Variants in XPNPEP1 observed in about 807,000 individuals in gnomAD.
The protein encoded by XPNPEP1 is X-prolyl aminopeptidase 1, also known as xaa-Pro aminopeptidase 1.
Under a neutral mutation model 92.4 loss-of-function variants are expected in XPNPEP1, and 39 were observed. That is an observed-to-expected ratio of 0.42 (90% CI 0.33 to 0.55). The LOEUF (loss-of-function observed/expected upper bound fraction) is 0.55, where lower values mean the gene tolerates loss of function less well. XPNPEP1 is among the 20% of genes least tolerant of loss of function. The pLI, the probability that XPNPEP1 is intolerant of heterozygous loss-of-function variation, is 0.08. For synonymous variants in XPNPEP1, 307 were observed against 299.4 expected, an observed-to-expected ratio of 1.03 and a Z score of -0.26; for missense variants, 654 against 856.1, an observed-to-expected ratio of 0.76 and a Z score of 2.95.
At chr10:109,888,990 TG>T (rs1589584401) in intron 5 of XPNPEP1, among the ~76,000 whole-genome samples, 1 of 152,214 alleles carries the variant, frequency 6.6e-6, no homozygotes, top group African/African-American at 2.4e-5. Context: ...TGGTGAAGTC[TG>T]GGAACTGGGA....
intron 2 of XPNPEP1, among the ~76,000 whole-genome samples, chr10:109,912,578 T>C (rs768308305): frequency 2.6e-5 from 4 of 152,232 alleles, no homozygotes; most frequent in Non-Finnish European, 5.9e-5. Context: ...GTGGCACTGG[T>C]TGAAAAGGCA....
chr10:109,865,837 C>G (rs929123068), intron 20 of XPNPEP1, among the ~76,000 whole-genome samples: 4 of 152,194 alleles, frequency 2.6e-5, no homozygotes, highest in African/African-American at 9.7e-5. Flanking sequence ...TGTGGTGCAG[C>G]AGAATGGCGC....
intron 3 of XPNPEP1, among the ~76,000 whole-genome samples, chr10:109,896,635 C>T (rs901115584): frequency 6.6e-5 from 10 of 151,836 alleles, no homozygotes; most frequent in African/African-American, 2.4e-4. Flanking sequence ...CATCTTAACC[C>T]CAAGCATATA....
chr10:109,913,242 G>A (rs1393027217), intron 2 of XPNPEP1, among the ~76,000 whole-genome samples: 2 of 152,192 alleles, frequency 1.3e-5, no homozygotes, highest in East Asian at 3.8e-4. Flanking sequence ...TACATGAAAA[G>A]CACACCATAC....
intron 18 of XPNPEP1, 75 bp from the exon 19 acceptor site, chr10:109,870,104 T>C (rs1847372207): frequency 6.7e-7 from 1 of 1,499,132 alleles, no homozygotes; most frequent in East Asian, 2.3e-5. Flanking sequence ...TTTCACTCCT[T>C]GGATGACTGC....
At chr10:109,907,235 C>A (rs1849603586) in intron 3 of XPNPEP1, among the ~76,000 whole-genome samples, 1 of 152,166 alleles carries the variant, frequency 6.6e-6, no homozygotes, top group Non-Finnish European at 1.5e-5. Context: ...AGCACCATAA[C>A]CACAGTGTAA....
chr10:109,886,208 C>G (rs752191583), intron 8 of XPNPEP1, 38 bp downstream of exon 8: 2 of 1,594,966 alleles, frequency 1.3e-6, no homozygotes, highest in Non-Finnish European at 8.6e-7. Context: ...AAGGAGAGAT[C>G]GGGTAACATG....
chr10:109,867,458 A>C lies in XPNPEP1; in HGVS notation c.1872+1156T>G, dbSNP rs1356446134. The stretch of plus-strand genomic sequence containing the variant: ...ATGTTTAGCTGAACCAAGGGCACGG[A>C]TGGTTAAGCAGAGGCGCTCAAGCAC... On this transcript the variant is annotated intron_variant, in intron 20 of 20. Coordinates refer to ENST00000502935, the MANE Select transcript of XPNPEP1 (RefSeq NM_020383.4). This position sits in a 1 kb window ranked among gnomAD's most constrained non-coding sequence, Gnocchi z 4.5. Among the ~76,000 whole-genome samples, 1 of 152,246 alleles carries C rather than the reference A, an allele frequency of 6.6e-6. No individual in the cohort carries two copies. Among genetic ancestry groups the C allele is most frequent in the East Asian group, 1.9e-4 (1 of 5,204 alleles).
intron 3 of XPNPEP1, among the ~76,000 whole-genome samples, chr10:109,902,953 G>A (rs557997492): frequency 1.2e-4 from 18 of 152,144 alleles, no homozygotes; most frequent in Non-Finnish European, 1.8e-4. Context: ...GAATTGCTTC[G>A]GGTGTAATAG....
chr10:109,882,780 C>CCTGCCCT, intron 9 of XPNPEP1, 138 bp from the exon 10 acceptor site: 4 of 902,890 alleles, frequency 4.4e-6, no homozygotes, highest in Non-Finnish European at 6.7e-6. Flanking sequence ...CCACTCCTTT[C>CCTGCCCT]CCAAATCCTG....
At chr10:109,884,191 A>G in intron 8 of XPNPEP1, 43 bp from the exon 9 acceptor site, 1 of 1,596,100 alleles carries the variant, frequency 6.3e-7, no homozygotes, top group East Asian at 2.2e-5. Context: ...CTGACTTAAG[A>G]TGTTAAGGGG....
At chr10:109,875,797 T>C in intron 14 of XPNPEP1, 198 bp from the exon 15 acceptor site, 1 of 497,516 alleles carries the variant, frequency 2.0e-6, no homozygotes, top group South Asian at 2.7e-5. Context: ...AATCAACCTA[T>C]CTCCCCAGCT....
Position 109,915,066 on chromosome 10 carries a change from T to C in XPNPEP1, c.66A>G (p.Leu22=). ...VNHQDFQLRN[L]RIIEPNEVTH... Reference sequence around the variant, plus strand: ...TCACCTCGTTAGGTTCAATTATTCTTAAATTTCTCAGTTGAAAATCCTGGT... The same window carrying C: ...TCACCTCGTTAGGTTCAATTATTCTCAAATTTCTCAGTTGAAAATCCTGGT... Residue 22 remains leucine, a synonymous_variant, in exon 2 of 21, where the codon TTA becomes TTG. Transcript: ENST00000502935. 1 of 1,529,588 alleles carries C rather than the reference T, an allele frequency of 6.5e-7. No individual in the cohort carries two copies. Among genetic ancestry groups the C allele is most frequent in the Non-Finnish European group, 8.8e-7 (1 of 1,142,588 alleles). 94.8% of individuals were successfully genotyped at this position (1,529,588 alleles called of 1,614,324 possible). A position where few individuals can be genotyped will look rare whatever the true frequency, so the allele number is the denominator to read the frequency against.
rs1049619585 is a variant in XPNPEP1 at position 109,918,982 on chromosome 10, TA to T, written c.33-3884del. Among the ~76,000 whole-genome samples the T allele has an allele frequency of 2.0e-3, 294 of 147,084 alleles. 2 individuals are homozygous for T. The highest frequency in any genetic ancestry group is 6.6e-3 in the African/African-American group (265 of 40,044). On this transcript the variant is annotated intron_variant, in intron 1 of 20. Coordinates refer to ENST00000502935, the MANE Select transcript of XPNPEP1 (RefSeq NM_020383.4). Reference sequence around the variant, plus strand: ...AAGGAAAGAAAAGAAAGAAAGAAAATAAAAAAAAATTAACCCAAATGGATCA... The same window carrying T: ...AAGGAAAGAAAAGAAAGAAAGAAAATAAAAAAAATTAACCCAAATGGATCA...
At chr10:109,910,093 T>C (rs1474981070) in intron 2 of XPNPEP1, among the ~76,000 whole-genome samples, 2 of 152,242 alleles carry the variant, frequency 1.3e-5, no homozygotes, top group East Asian at 3.8e-4. Flanking sequence ...GAAAATTCTA[T>C]ATGCACATGC....
intron 20 of XPNPEP1, among the ~76,000 whole-genome samples, chr10:109,866,901 G>A (rs1376429280): frequency 6.6e-6 from 1 of 152,194 alleles, no homozygotes; most frequent in Non-Finnish European, 1.5e-5. Flanking sequence ...ACAGATCCCT[G>A]GTCTATGTCC....
At chr10:109,883,980 A>C (rs1359093214) in intron 9 of XPNPEP1, 87 bp downstream of exon 9, 12 of 1,151,776 alleles carry the variant, frequency 1.0e-5, no homozygotes, top group African/African-American at 1.6e-5. Flanking sequence ...AATATCAGGC[A>C]GTGATGGGTG....
intron 2 of XPNPEP1, among the ~76,000 whole-genome samples, chr10:109,910,414 C>A (rs192766744): frequency 6.6e-6 from 1 of 152,014 alleles, no homozygotes; most frequent in East Asian, 1.9e-4. Flanking sequence ...CATGGTGGCA[C>A]ATGTCTGTAA....
In XPNPEP1 at chr10:109,877,812, T is replaced by C; in HGVS notation, c.1297A>G (p.Asn433Asp). 1 of 1,614,214 alleles carries C rather than the reference T, an allele frequency of 6.2e-7. No homozygotes were observed. Among genetic ancestry groups the C allele is most frequent in the African/African-American group, 1.3e-5 (1 of 75,040 alleles). Reference sequence around the variant, plus strand: ...TACGCGTAGTGAATGATGGCGCCGTTGGGTCCCGTACTGGAAATTGTTGGG... The same window carrying C: ...TACGCGTAGTGAATGATGGCGCCGTCGGGTCCCGTACTGGAAATTGTTGGG... ...SFPTISSTGP[N>D]GAIIHYAPVP... The change falls in exon 14 of 21, where the codon AAC becomes GAC. Residue 433 changes from asparagine (N) to aspartate (D), a missense_variant. Transcript: ENST00000502935.
Sources: gnomAD v4.1 joint callset for allele counts (sites outside exome capture counted in the v4.1 genomes callset) on GRCh38, gnomAD v4.1.1 for gene constraint, Gnocchi (gnomAD v3.1) non-coding constraint, MANE v1.5 for transcripts, NCBI Gene and HGNC (gene_info 2026-07-23, HGNC 2026-07-21) for gene names.